The following SV2B variants were observed in gnomAD, a reference collection of about 807,000 sequenced individuals.
The protein encoded by SV2B is synaptic vesicle glycoprotein 2B.
A neutral mutation model predicts 73.9 loss-of-function variants in SV2B; 41 were observed. The observed-to-expected ratio is 0.56, with a 90% CI of 0.43 to 0.72. The LOEUF (loss-of-function observed/expected upper bound fraction) is 0.72, where lower values mean the gene tolerates loss of function less well. Ranked by LOEUF, SV2B falls within the 30% of genes least tolerant of loss-of-function variation. SV2B has a pLI of 0.00. For missense variants in SV2B, 764 were observed against 857.8 expected, an observed-to-expected ratio of 0.89 and a Z score of 1.37; for synonymous variants, 314 against 314.2, an observed-to-expected ratio of 1.00 and a Z score of 0.01.
At chr15:91,285,394 C>T (rs1489597641) in intron 11 of SV2B, among the ~76,000 whole-genome samples, 1 of 152,168 alleles carries the variant, frequency 6.6e-6, no homozygotes, top group Non-Finnish European at 1.5e-5. Flanking sequence ...CGTCCATAAC[C>T]CGTGTCCAGC....
chr15:91,183,975 C>A (rs80184147), intron 1 of SV2B, among the ~76,000 whole-genome samples: 4 of 146,340 alleles, frequency 2.7e-5, no homozygotes, highest in African/African-American at 9.9e-5. Context: ...ACAAAAAAAA[C>A]TGCAGTATCA....
At chr15:91,178,335 A>G (rs1416459437) in intron 1 of SV2B, among the ~76,000 whole-genome samples, 1 of 149,534 alleles carries the variant, frequency 6.7e-6, no homozygotes, top group Admixed American at 6.6e-5. Flanking sequence ...TTCATCAAGG[A>G]TATTGGTCTA....
In SV2B at chr15:91,252,005, T is replaced by G; in HGVS notation, c.632+6T>G. On this transcript the variant is annotated splice_donor_region_variant and intron_variant, in intron 3 of 12. Coordinates refer to ENST00000394232, the MANE Select transcript of SV2B (RefSeq NM_001323032.3). The surrounding 1 kb of genome is among the most constrained non-coding windows in gnomAD (Gnocchi z 4.6). ...CGACTCATCTCAGGCATCGGGTATG[T>G]TCTTAGGGAGGTGGAGCTGGACCAT... The G allele has an allele frequency of 6.2e-7, 1 of 1,613,732 alleles. No homozygotes were observed. The highest frequency in any genetic ancestry group is 8.5e-7 in the Non-Finnish European group (1 of 1,179,792).
chr15:91,099,999 C>T (rs866867165), upstream of SV2B: 1 of 152,334 alleles, frequency 6.6e-6, no homozygotes, highest in Admixed American at 6.5e-5. Context: ...ACTGGTCCTC[C>T]TTCCCTCTGA....
Position 91,231,758 on chromosome 15 carries a change from G to C in SV2B, c.451+5044G>C, listed in dbSNP as rs1275353958. On this transcript the variant is annotated intron_variant, in intron 2 of 12. Transcript: ENST00000394232. This position sits in a 1 kb window ranked among gnomAD's most constrained non-coding sequence, Gnocchi z 4.5. ...CTGCAGAGTTTTCATTTCTTGGAAGGATCCAGTGACTTGTGTATTTTATTG... is the reference window on the plus strand; with the variant it reads ...CTGCAGAGTTTTCATTTCTTGGAAGCATCCAGTGACTTGTGTATTTTATTG... Among the ~76,000 whole-genome samples, 2 of 152,162 alleles carry C rather than the reference G, an allele frequency of 1.3e-5. No individual in the cohort carries two copies. Among genetic ancestry groups the C allele is most frequent in the African/African-American group, 4.8e-5 (2 of 41,438 alleles).
rs1301045343 is a variant in SV2B, at chr15:91,130,504, TGAGA to T, written c.-392+30154_-392+30157del. ...GAAGTGGAGGGTAAGGAACAGGGAA[TGAGA>T]GAGAGAGAGAGAAGCAGCTGCATTT... On this transcript the variant is annotated intron_variant, in intron 1 of 12. Transcript: ENST00000394232. The surrounding 1 kb of genome is among the most constrained non-coding windows in gnomAD (Gnocchi z 5.6). Among the ~76,000 whole-genome samples, 7 of 149,922 alleles carry T rather than the reference TGAGA, an allele frequency of 4.7e-5. No homozygotes were observed. The highest frequency in any genetic ancestry group is 7.3e-5 in the African/African-American group (3 of 40,852).
chr15:91,165,946 T>C (rs2043897339), intron 1 of SV2B, among the ~76,000 whole-genome samples: 1 of 152,256 alleles, frequency 6.6e-6, no homozygotes, highest in South Asian at 2.1e-4. Flanking sequence ...TAAATATCTT[T>C]ATTTTGCCTT....
intron 2 of SV2B, among the ~76,000 whole-genome samples, chr15:91,246,747 C>T (rs960823631): frequency 4.8e-5 from 7 of 145,956 alleles, no homozygotes; most frequent in African/African-American, 8.0e-5. Flanking sequence ...TCCTCCTCCT[C>T]CTTCTTCTCC....
At chr15:91,170,468 A>C (rs2141278297) in intron 1 of SV2B, among the ~76,000 whole-genome samples, 1 of 152,142 alleles carries the variant, frequency 6.6e-6, no homozygotes, top group South Asian at 2.1e-4. Context: ...TTGTATTTTT[A>C]ATAGAGACAG....
intron 1 of SV2B, among the ~76,000 whole-genome samples, chr15:91,160,422 A>T (rs146151141): frequency 1.8e-4 from 28 of 152,302 alleles, no homozygotes; most frequent in Admixed American, 3.9e-4. Flanking sequence ...AGCCTAGCCA[A>T]CATAGTGAAA....
At position 91,302,172 on chromosome 15, in the gene SV2B, A is replaced by G. The variant is rs1014002852; in HGVS notation, c.*9620A>G. Among the ~76,000 whole-genome samples the G allele has an allele frequency of 2.6e-5, 4 of 152,234 alleles. No homozygotes were observed. The highest frequency in any genetic ancestry group is 9.6e-5 in the African/African-American group (4 of 41,456). On this transcript the variant is annotated 3_prime_UTR_variant, in exon 13 of 13. Coordinates refer to ENST00000394232, the MANE Select transcript of SV2B (RefSeq NM_001323032.3). Reference sequence around the variant, plus strand: ...AGTATTTGATACGTAGTAGGTCTCAATAGATGATGAATAGACCGATGAATG... The same window carrying G: ...AGTATTTGATACGTAGTAGGTCTCAGTAGATGATGAATAGACCGATGAATG...
At chr15:91,111,564 G>A (rs2042036363) in intron 1 of SV2B, among the ~76,000 whole-genome samples, 1 of 152,222 alleles carries the variant, frequency 6.6e-6, no homozygotes, top group Non-Finnish European at 1.5e-5. Context: ...ATTGTCTGAT[G>A]AGCCTTGAAG....
intron 1 of SV2B, among the ~76,000 whole-genome samples, chr15:91,185,813 G>A (rs1003348669): frequency 6.6e-6 from 1 of 152,316 alleles, no homozygotes; most frequent in East Asian, 1.9e-4. Flanking sequence ...TAAAGCACAG[G>A]AGAGTTCAGT....
chr15:91,176,780 T>A (rs1323384395), intron 1 of SV2B, among the ~76,000 whole-genome samples: 1 of 151,712 alleles, frequency 6.6e-6, no homozygotes, highest in Non-Finnish European at 1.5e-5. Context: ...CATTGTAGAT[T>A]CTGGATATTA....
At position 91,146,628 on chromosome 15, in the gene SV2B, G is replaced by T. The variant is rs548272804; in HGVS notation, c.-392+46265G>T. The stretch of plus-strand genomic sequence containing the variant: ...GTGTCATCTCTGATTTCTCTGAGTA[G>T]TATTTGTAGTTTTCCTTGTAGAGAT... On this transcript the variant is annotated intron_variant, in intron 1 of 12. Coordinates refer to ENST00000394232, the MANE Select transcript of SV2B (RefSeq NM_001323032.3). 6.6e-5 allele frequency among the ~76,000 whole-genome samples: 10 copies of T among 152,180 alleles called. No individual in the cohort carries two copies. In the East Asian group the frequency reaches 1.9e-3, roughly 29 times the overall value.
At chr15:91,274,239 G>T (rs374257771) in intron 9 of SV2B, among the ~76,000 whole-genome samples, 18 of 152,154 alleles carry the variant, frequency 1.2e-4, no homozygotes. Context: ...GTGAAAGGCT[G>T]GAAACATTGT....
rs562378315 is a variant in SV2B at position 91,149,226 on chromosome 15, C to T, written c.-392+48863C>T. On this transcript the variant is annotated intron_variant, in intron 1 of 12. Coordinates refer to ENST00000394232, the MANE Select transcript of SV2B (RefSeq NM_001323032.3). ...GCAGATGGGCTTTGGCCTGAGGATG[C>T]CTGCAGGCAAAGCAATGCAGGTGCT... is the stretch of plus-strand genomic sequence containing the variant. Among the ~76,000 whole-genome samples the T allele has an allele frequency of 2.6e-4, 40 of 152,310 alleles. No individual in the cohort carries two copies. In the South Asian group the frequency reaches 3.3e-3, roughly 13 times the overall value.
At chr15:91,178,672 A>G (rs577616312) in intron 1 of SV2B, among the ~76,000 whole-genome samples, 89 of 151,290 alleles carry the variant, frequency 5.9e-4, no homozygotes, top group African/African-American at 1.8e-3. Flanking sequence ...TTTCTAGTTT[A>G]TTTGCGTAGA....
chr15:91,201,089 T>C (rs2045444012), intron 1 of SV2B, among the ~76,000 whole-genome samples: 1 of 152,176 alleles, frequency 6.6e-6, no homozygotes, highest in Admixed American at 6.5e-5. Flanking sequence ...GCTATTCCCT[T>C]TATCTTGAAT....
Sources: gnomAD v4.1 joint callset for allele counts (sites outside exome capture counted in the v4.1 genomes callset) on GRCh38, gnomAD v4.1.1 for gene constraint, Gnocchi (gnomAD v3.1) non-coding constraint, MANE v1.5 for transcripts, NCBI Gene and HGNC (gene_info 2026-07-23, HGNC 2026-07-21) for gene names.